ST6GALNAC3: variants seen among roughly 807,000 people sequenced by gnomAD.
ST6GALNAC3 encodes the protein alpha-N-acetylgalactosaminide alpha-2,6-sialyltransferase 3.
Under a neutral mutation model 32.7 loss-of-function variants are expected in ST6GALNAC3, and 25 were observed. That is an observed-to-expected ratio of 0.76 (90% CI 0.56 to 1.07). ST6GALNAC3 has a LOEUF of 1.07. ST6GALNAC3 is among the 50% of genes least tolerant of loss of function. ST6GALNAC3 has a pLI of 0.00. For missense variants in ST6GALNAC3, 355 were observed against 382.4 expected, an observed-to-expected ratio of 0.93 and a Z score of 0.60; for synonymous variants, 129 against 133.1, an observed-to-expected ratio of 0.97 and a Z score of 0.21.
At chr1:76,469,012 G>A (rs1658843271) in intron 3 of ST6GALNAC3, among the ~76,000 whole-genome samples, 1 of 151,976 alleles carries the variant, frequency 6.6e-6, no homozygotes, top group African/African-American at 2.4e-5. Context: ...AAAAGAGAAA[G>A]CCTCACCAAA....
chr1:76,585,221 C>T (rs531985337), intron 3 of ST6GALNAC3, among the ~76,000 whole-genome samples: 141 of 152,018 alleles, frequency 9.3e-4, no homozygotes, highest in African/African-American at 3.2e-3. Flanking sequence ...CCCATCTCTA[C>T]TAAGAAAACA....
rs559647549 is a variant in ST6GALNAC3, at chr1:76,408,409, T to C, written c.214-3599T>C. ...ACAAAAAAACAAAGTGGCAATTTTA[T>C]AGATCACCATCTACCCTCAAAGCCG... is the stretch of plus-strand genomic sequence containing the variant. On this transcript the variant is annotated intron_variant, in intron 2 of 4. Coordinates refer to ENST00000328299, the MANE Select transcript of ST6GALNAC3 (RefSeq NM_152996.4). 7.0e-4 allele frequency among the ~76,000 whole-genome samples: 107 copies of C among 152,236 alleles called. 1 individual carries two copies. Among genetic ancestry groups the C allele is most frequent in the African/African-American group, 2.4e-3 (98 of 41,562 alleles).
chr1:76,292,730 C>T (rs1466900807), intron 1 of ST6GALNAC3, among the ~76,000 whole-genome samples: 1 of 152,180 alleles, frequency 6.6e-6, no homozygotes, highest in Non-Finnish European at 1.5e-5. Context: ...CTCACCGTAG[C>T]ATGTTTATTA....
At chr1:76,544,247 T>A (rs369513603) in intron 3 of ST6GALNAC3, among the ~76,000 whole-genome samples, 1 of 152,156 alleles carries the variant, frequency 6.6e-6, no homozygotes, top group Non-Finnish European at 1.5e-5. Flanking sequence ...AATCTCAGAC[T>A]ATGCAGGCCA....
intron 3 of ST6GALNAC3, among the ~76,000 whole-genome samples, chr1:76,572,591 C>G (rs958801430): frequency 4.6e-5 from 7 of 152,130 alleles, no homozygotes; most frequent in Admixed American, 4.6e-4. Flanking sequence ...ACACAGTTAG[C>G]TACTAAAGAA....
At chr1:76,600,644 A>C (rs1222913590) in intron 3 of ST6GALNAC3, among the ~76,000 whole-genome samples, 1 of 152,176 alleles carries the variant, frequency 6.6e-6, no homozygotes, top group Non-Finnish European at 1.5e-5. Flanking sequence ...CTGAGAGTGC[A>C]TTGTGCTATG....
intron 1 of ST6GALNAC3, 75 bp from the exon 2 acceptor site, chr1:76,313,730 A>C: frequency 6.8e-7 from 1 of 1,474,632 alleles, no homozygotes; most frequent in Non-Finnish European, 9.4e-7. Context: ...AGAGAAGAAT[A>C]AAGGAACCTC....
intron 1 of ST6GALNAC3, among the ~76,000 whole-genome samples, chr1:76,261,974 T>G (rs184947906): frequency 3.3e-5 from 5 of 152,220 alleles, no homozygotes; most frequent in African/African-American, 1.2e-4. Flanking sequence ...GAAATGTTTT[T>G]CACGCGGAAA....
chr1:76,186,934 T>C (rs1653592817), intron 1 of ST6GALNAC3, among the ~76,000 whole-genome samples: 1 of 152,220 alleles, frequency 6.6e-6, no homozygotes, highest in African/African-American at 2.4e-5. Flanking sequence ...CAATGATTCC[T>C]GAGGCAACTG....
At chr1:76,192,506 A>G (rs1036056668) in intron 1 of ST6GALNAC3, among the ~76,000 whole-genome samples, 2 of 152,190 alleles carry the variant, frequency 1.3e-5, no homozygotes, top group African/African-American at 4.8e-5. Context: ...ATATTTTATT[A>G]TCTCAACCCA....
chr1:76,140,065 G>A (rs1055652059), intron 1 of ST6GALNAC3, among the ~76,000 whole-genome samples: 1 of 152,138 alleles, frequency 6.6e-6, no homozygotes, highest in Non-Finnish European at 1.5e-5. Flanking sequence ...GCCTCTCACC[G>A]TGAAATCTAG....
intron 3 of ST6GALNAC3, among the ~76,000 whole-genome samples, chr1:76,471,603 T>C (rs1237316608): frequency 6.6e-6 from 1 of 151,996 alleles, no homozygotes; most frequent in Admixed American, 6.6e-5. Flanking sequence ...CCTAAGAGAG[T>C]AGGGCCCTAT....
At chr1:76,389,512 T>C (rs902471213) in intron 2 of ST6GALNAC3, among the ~76,000 whole-genome samples, 1 of 152,220 alleles carries the variant, frequency 6.6e-6, no homozygotes, top group African/African-American at 2.4e-5. Context: ...GTGTGATTAG[T>C]GTTTTGATTC....
intron 3 of ST6GALNAC3, among the ~76,000 whole-genome samples, chr1:76,570,983 T>C (rs978290026): frequency 7.9e-5 from 12 of 152,048 alleles, no homozygotes; most frequent in Non-Finnish European, 1.3e-4. Context: ...AACTAAAACC[T>C]CAAACTGTCC....
rs542373017 is a variant in ST6GALNAC3 at position 76,343,225 on chromosome 1, A to T, written c.213+29226A>T. 2.0e-5 allele frequency among the ~76,000 whole-genome samples: 3 copies of T among 152,256 alleles called. No homozygotes were observed. The South Asian group carries it at 6.2e-4, about 32-fold the overall frequency. On this transcript the variant is annotated intron_variant, in intron 2 of 4. Transcript: ENST00000328299. Reference sequence around the variant, plus strand: ...TTTTTTTGATAAAATAAATGCCTACATTTTGCAGAACTGAAATATTAATGT... The same window carrying T: ...TTTTTTTGATAAAATAAATGCCTACTTTTTGCAGAACTGAAATATTAATGT...
chr1:76,143,121 G>A (rs910984614), intron 1 of ST6GALNAC3, among the ~76,000 whole-genome samples: 1 of 152,152 alleles, frequency 6.6e-6, no homozygotes, highest in Non-Finnish European at 1.5e-5. Context: ...GAAGGCTTTT[G>A]GGCTGTGGGA....
intron 2 of ST6GALNAC3, among the ~76,000 whole-genome samples, chr1:76,391,530 TCC>T (rs2101155826): frequency 6.0e-5 from 1 of 16,712 alleles, no homozygotes; most frequent in East Asian, 2.5e-3. Context: ...AGACCTTCCT[TCC>T]TTCCTTCCTT....
chr1:76,137,243 T>C (rs1650002046), intron 1 of ST6GALNAC3, among the ~76,000 whole-genome samples: 1 of 152,230 alleles, frequency 6.6e-6, no homozygotes, highest in Admixed American at 6.5e-5. Context: ...ATTGCATCTG[T>C]CTGGGACACC....
intron 1 of ST6GALNAC3, among the ~76,000 whole-genome samples, chr1:76,122,111 T>A (rs951222497): frequency 3.9e-5 from 6 of 152,184 alleles, no homozygotes; most frequent in Admixed American, 6.5e-5. Context: ...GTGTATATAG[T>A]GCTTGTAAGT....
Sources: gnomAD v4.1 joint callset for allele counts (sites outside exome capture counted in the v4.1 genomes callset) on GRCh38, gnomAD v4.1.1 for gene constraint, MANE v1.5 for transcripts, NCBI Gene and HGNC (gene_info 2026-07-23, HGNC 2026-07-21) for gene names.